Variants in TTC7A observed in about 807,000 individuals in gnomAD.
TTC7A encodes the protein tetratricopeptide repeat protein 7A.
Under a neutral mutation model 103.7 loss-of-function variants are expected in TTC7A, and 110 were observed. The observed-to-expected ratio is 1.06, with a 90% CI of 0.91 to 1.24. The LOEUF (loss-of-function observed/expected upper bound fraction) is 1.24. Ranked by LOEUF, TTC7A falls within the 50% of genes most tolerant of loss-of-function variation. TTC7A has a pLI of 0.00. For missense variants in TTC7A, 1,340 were observed against 1,116.3 expected (o/e 1.20, Z -2.86); for synonymous variants, 521 against 467.9 (o/e 1.11, Z -1.47).
rs376138112 is a variant in TTC7A, at chr2:47,046,361, G to C, written c.1849G>C (p.Glu617Gln). Reference protein sequence around the residue: ...VKLEQVLKGPEEALVTCRQVL... With the variant: ...VKLEQVLKGPQEALVTCRQVL... ...GCTGGAGCAGGTGCTGAAAGGCCCA[G>C]AGGAAGCCCTCGTGACCTGCAGACA... Residue 617 changes from glutamate (E) to glutamine (Q), a missense_variant, in exon 16 of 20, where the codon GAG becomes CAG. By Grantham distance (29) the Glu-to-Gln change is conservative. Coordinates refer to ENST00000319190, the MANE Select transcript of TTC7A (RefSeq NM_020458.4). 6.2e-6 allele frequency: 10 copies of C among 1,614,112 alleles called. No homozygotes were observed. The African/African-American group carries it at 1.2e-4, about 19-fold the overall frequency.
intron 15 of TTC7A, among the ~76,000 whole-genome samples, chr2:47,036,936 C>T (rs184132202): frequency 4.6e-5 from 7 of 152,320 alleles, no homozygotes; most frequent in Admixed American, 2.0e-4. Context: ...GCATATCCCC[C>T]GCATCCTGGC....
chr2:47,065,606 G>T (rs572334344), intron 19 of TTC7A, among the ~76,000 whole-genome samples: 3 of 152,172 alleles, frequency 2.0e-5, no homozygotes, highest in Non-Finnish European at 2.9e-5. Flanking sequence ...AGGCAAATAG[G>T]GGGAGGGCAG....
chr2:46,979,852 G>A (rs1289932048), intron 5 of TTC7A, among the ~76,000 whole-genome samples: 3 of 152,202 alleles, frequency 2.0e-5, no homozygotes, highest in South Asian at 4.1e-4. Flanking sequence ...GACAGACACA[G>A]TGGGCTGGGG....
At chr2:46,927,868 T>C (rs1255642891) in intron 2 of TTC7A, among the ~76,000 whole-genome samples, 1 of 150,214 alleles carries the variant, frequency 6.7e-6, no homozygotes, top group Non-Finnish European at 1.5e-5. Flanking sequence ...AACACTAATA[T>C]TGGGGTTTTT....
intron 19 of TTC7A, among the ~76,000 whole-genome samples, chr2:47,067,490 G>A (rs1427623040): frequency 6.6e-6 from 1 of 152,220 alleles, no homozygotes; most frequent in Non-Finnish European, 1.5e-5. Context: ...CAGGGAGGGA[G>A]TGCCTGGCAG....
intron 3 of TTC7A, among the ~76,000 whole-genome samples, chr2:46,966,790 CTTTTT>C (rs34299761): frequency 6.0e-5 from 8 of 132,648 alleles, no homozygotes; most frequent in Non-Finnish European, 9.7e-5. Context: ...CCACCCCCAG[CTTTTT>C]TTTTTTTTTT....
chr2:47,046,531 G>C (rs901281287), intron 16 of TTC7A, 100 bp downstream of exon 16: 1 of 879,318 alleles, frequency 1.1e-6, no homozygotes, highest in Non-Finnish European at 1.9e-6. Context: ...GGGGAGGAGA[G>C]TGAGGCTTTT....
intron 1 of TTC7A, chr2:46,917,162 A>AT (rs749992204): frequency 2.8e-4 from 195 of 694,262 alleles, no homozygotes; most frequent in Non-Finnish European, 3.6e-4. Context: ...ATAATCCCTA[A>AT]TTTTTTTTTC....
At position 46,924,658 on chromosome 2, in the gene TTC7A, G is replaced by C. The variant is rs149813876; in HGVS notation, c.82+7381G>C. Among the ~76,000 whole-genome samples, 48 of 151,520 alleles carry C rather than the reference G, an allele frequency of 3.2e-4. No homozygotes were observed. In the East Asian group the frequency reaches 3.9e-3, roughly 12 times the overall value. ...TTTTTTCCCCTGGAGATAGGGTCTT[G>C]CTCTGTCACCCTGGCTGGAGCGCAG... is the stretch of plus-strand genomic sequence containing the variant. On this transcript the variant is annotated intron_variant, in intron 2 of 20. Transcript: ENST00000409245.
intron 11 of TTC7A, among the ~76,000 whole-genome samples, chr2:47,016,351 G>A (rs1678658950): frequency 6.6e-6 from 1 of 152,222 alleles, no homozygotes; most frequent in African/African-American, 2.4e-5. Context: ...AAACAGTTCT[G>A]CTACTTCCTA....
At chr2:47,032,149 G>C (rs1466770569) in intron 15 of TTC7A, among the ~76,000 whole-genome samples, 3 of 152,244 alleles carry the variant, frequency 2.0e-5, no homozygotes, top group African/African-American at 7.2e-5. Context: ...GGGCTGCCTT[G>C]AGGTTGGTGA....
intron 2 of TTC7A, among the ~76,000 whole-genome samples, chr2:46,935,843 G>A (rs1669949345): frequency 6.6e-6 from 1 of 152,068 alleles, no homozygotes; most frequent in African/African-American, 2.4e-5. Context: ...TAATCCTAGA[G>A]ACTAGGGAGG....
intron 19 of TTC7A, among the ~76,000 whole-genome samples, chr2:47,072,016 TTG>T (rs747470578): frequency 5.9e-5 from 9 of 152,114 alleles, no homozygotes; most frequent in Non-Finnish European, 1.2e-4. Flanking sequence ...GTGCTTAATT[TTG>T]TGTCTGGCGG....
At chr2:46,943,202 C>T (rs1238553951) in intron 1 of TTC7A, among the ~76,000 whole-genome samples, 1 of 152,128 alleles carries the variant, frequency 6.6e-6, no homozygotes, top group Admixed American at 6.5e-5. Flanking sequence ...TGTGTCTGGC[C>T]GCTTTCTCTA....
intron 3 of TTC7A, among the ~76,000 whole-genome samples, chr2:46,973,258 T>C (rs1159658215): frequency 6.6e-6 from 1 of 152,134 alleles, no homozygotes; most frequent in Non-Finnish European, 1.5e-5. Context: ...TCGCGTTTTA[T>C]GGAGGAGATA....
chr2:46,997,523 CA>C (rs1183183048), intron 8 of TTC7A, among the ~76,000 whole-genome samples: 1 of 152,154 alleles, frequency 6.6e-6, no homozygotes, highest in East Asian at 1.9e-4. Flanking sequence ...TTACAGATGA[CA>C]AAAGTGAGGT....
At chr2:47,036,223 TG>T in intron 15 of TTC7A, among the ~76,000 whole-genome samples, 1 of 152,190 alleles carries the variant, frequency 6.6e-6, no homozygotes, top group African/African-American at 2.4e-5. Flanking sequence ...AGGGGCAGGC[TG>T]CTCTCAGAGC....
At chr2:47,053,456 G>T (rs1009495418) in intron 18 of TTC7A, among the ~76,000 whole-genome samples, 2 of 152,210 alleles carry the variant, frequency 1.3e-5, no homozygotes, top group Non-Finnish European at 2.9e-5. Flanking sequence ...GTTGTGGGTT[G>T]CCTGTACCAG....
At chr2:46,985,827 C>T (rs1364663857) in intron 5 of TTC7A, among the ~76,000 whole-genome samples, 3 of 152,278 alleles carry the variant, frequency 2.0e-5, no homozygotes, top group Middle Eastern at 3.4e-3. Flanking sequence ...TTTTTAAATG[C>T]ATTTGTTGTT....
Sources: allele counts gnomAD v4.1 joint callset (sites outside exome capture counted in the v4.1 genomes callset), GRCh38; gene constraint gnomAD v4.1.1; transcripts MANE v1.5; gene names NCBI Gene and HGNC (gene_info 2026-07-23, HGNC 2026-07-21).